The following WDR35 variants were observed in gnomAD, a reference collection of about 807,000 sequenced individuals.
WDR35 encodes the protein WD repeat domain 35.
WDR35 carries 118 observed loss-of-function variants against 158.3 expected under a neutral mutation model. That is an observed-to-expected ratio of 0.75 (90% CI 0.64 to 0.87). The LOEUF (loss-of-function observed/expected upper bound fraction) is 0.87. Ranked by LOEUF, WDR35 falls within the 40% of genes least tolerant of loss-of-function variation. The probability of loss-of-function intolerance (pLI) is 0.00; values close to 1 mark genes in which losing one functional copy is unlikely to be tolerated. For synonymous variants in WDR35, 448 were observed against 476.1 expected (o/e 0.94, Z 0.77); for missense variants, 1,263 against 1,405.8 (o/e 0.90, Z 1.62).
rs770452781 is a variant in WDR35 at position 19,930,481 on chromosome 2, T to C, written c.3036A>G (p.Ala1012=). Residue 1012 remains alanine (A), a synonymous_variant, in exon 25 of 27, where the codon GCA becomes GCG. Coordinates refer to ENST00000281405, the MANE Select transcript of WDR35 (RefSeq NM_020779.4). ...AGTGGTAAGCCTCTGCCCCTCTCCA[T>C]GCATTATCTGTGAAACGATCTGTTG... is the stretch of plus-strand genomic sequence containing the variant. ...LSTTDRFTDN[A]WRGAEAYHFF... 1.9e-6 allele frequency: 3 copies of C among 1,614,044 alleles called. No homozygotes were observed. Among genetic ancestry groups the C allele is most frequent in the African/African-American group, 1.3e-5 (1 of 74,922 alleles).
At chr2:19,983,891 C>G (rs529953468) in intron 2 of WDR35, among the ~76,000 whole-genome samples, 1 of 151,964 alleles carries the variant, frequency 6.6e-6, no homozygotes, top group Non-Finnish European at 1.5e-5. Flanking sequence ...TTCTTTCATT[C>G]ATTTAATCTT....
chr2:19,923,982 T>C (rs567553828), intron 25 of WDR35, among the ~76,000 whole-genome samples: 45 of 152,312 alleles, frequency 3.0e-4, no homozygotes, highest in Non-Finnish European at 5.4e-4. Context: ...TCTTACAATT[T>C]AAAACTTGGT....
intron 25 of WDR35, among the ~76,000 whole-genome samples, chr2:19,927,072 T>C (rs1387814093): frequency 6.6e-6 from 1 of 152,198 alleles, no homozygotes; most frequent in Non-Finnish European, 1.5e-5. Context: ...CAATGAGTAA[T>C]TTAATGGTAG....
intron 9 of WDR35, among the ~76,000 whole-genome samples, chr2:19,968,141 T>A (rs1671917458): frequency 6.6e-6 from 1 of 152,184 alleles, no homozygotes; most frequent in Admixed American, 6.5e-5. Flanking sequence ...TTCAGGTTTT[T>A]AGGAAGACTA....
intron 25 of WDR35, among the ~76,000 whole-genome samples, chr2:19,921,342 A>G (rs1670161742): frequency 6.6e-6 from 1 of 152,240 alleles, no homozygotes; most frequent in Admixed American, 6.5e-5. Flanking sequence ...ACAAGGCTAC[A>G]GCAACAAAAA....
chr2:19,983,792 G>C (rs1218718737), intron 2 of WDR35, among the ~76,000 whole-genome samples: 2 of 152,134 alleles, frequency 1.3e-5, no homozygotes, highest in Non-Finnish European at 2.9e-5. Flanking sequence ...CACATGTACA[G>C]TTTAACAATG....
Position 19,934,623 on chromosome 2 carries a change from C to T in WDR35, c.2547+848G>A, listed in dbSNP as rs756163193. The stretch of plus-strand genomic sequence containing the variant: ...GGATACCCTACAGCAAAATGTTTAT[C>T]GGCATCATCAGACACATCTAACAGA... On this transcript the variant is annotated intron_variant, in intron 21 of 26. Transcript: ENST00000281405. The surrounding 1 kb of genome is among the most constrained non-coding windows in gnomAD (Gnocchi z 4.6). 2.0e-5 allele frequency among the ~76,000 whole-genome samples: 3 copies of T among 152,028 alleles called. No homozygotes were observed. The highest frequency in any genetic ancestry group is 7.2e-5 in the African/African-American group (3 of 41,398).
chr2:19,980,604 T>C (rs1672352599), intron 4 of WDR35, 87 bp downstream of exon 4: 3 of 1,085,600 alleles, frequency 2.8e-6, no homozygotes, highest in South Asian at 2.5e-5. Flanking sequence ...AAGGGGTCTA[T>C]TTTGGAGATG....
intron 23 of WDR35, among the ~76,000 whole-genome samples, chr2:19,931,898 A>C (rs1178766891): frequency 6.6e-6 from 1 of 152,144 alleles, no homozygotes; most frequent in Admixed American, 6.5e-5. Flanking sequence ...ATACTGTACT[A>C]ATTATCTTCC....
rs756250422 is a variant in WDR35, at chr2:19,913,747, CT to C, written c.3363-40del. On this transcript the variant is annotated intron_variant, in intron 26 of 26. Coordinates refer to ENST00000281405, the MANE Select transcript of WDR35 (RefSeq NM_020779.4). ...AGAAACAATTCATTATACTTTAAAA[CT>C]TCTCATTAGTCTAACTTTATTTAAT... The C allele has an allele frequency of 3.1e-6, 5 of 1,613,500 alleles. No homozygotes were observed. The South Asian group carries it at 5.5e-5, about 18-fold the overall frequency.
intron 11 of WDR35, among the ~76,000 whole-genome samples, chr2:19,957,576 G>A (rs57505175): frequency 1.6e-3 from 244 of 148,960 alleles, no homozygotes; most frequent in African/African-American, 5.7e-3. Flanking sequence ...TTTTTGAGAC[G>A]GTGTCTTGCT....
chr2:19,919,119 G>A (rs374895853), intron 25 of WDR35, among the ~76,000 whole-genome samples: 2 of 152,080 alleles, frequency 1.3e-5, no homozygotes, highest in Non-Finnish European at 2.9e-5. Flanking sequence ...AGTGGCTCAC[G>A]CCTGTAATTC....
intron 17 of WDR35, among the ~76,000 whole-genome samples, chr2:19,940,852 C>A (rs1670850211): frequency 1.3e-5 from 2 of 152,208 alleles, no homozygotes; most frequent in South Asian, 4.1e-4. Flanking sequence ...GGAAGCCTGC[C>A]CTTCTCTCCC....
rs543094174 is a variant in WDR35, at chr2:19,937,617, C to T, written c.2267+126G>A. ...CATGTAGAATATCTAGGTTGTAATC[C>T]AAACTTAAAATTAATTTCTAAAAGG... is the stretch of plus-strand genomic sequence containing the variant. On this transcript the variant is annotated intron_variant, in intron 19 of 26. Coordinates refer to ENST00000281405, the MANE Select transcript of WDR35 (RefSeq NM_020779.4). 2.3e-6 allele frequency: 3 copies of T among 1,298,442 alleles called. 1 individual carries two copies. In the South Asian group the frequency reaches 3.8e-5, roughly 16 times the overall value. 80.4% of individuals were successfully genotyped at this position (1,298,442 alleles called of 1,614,324 possible).
chr2:19,916,086 G>GTGGAT, intron 25 of WDR35, among the ~76,000 whole-genome samples: 2 of 152,296 alleles, frequency 1.3e-5, no homozygotes, highest in Admixed American at 1.3e-4. Flanking sequence ...AGTGGGTGCA[G>GTGGAT]CCCAAGGAGG....
intron 12 of WDR35, 43 bp from the exon 13 acceptor site, chr2:19,951,527 T>C: frequency 1.4e-6 from 2 of 1,439,938 alleles, no homozygotes; most frequent in Non-Finnish European, 1.9e-6. Context: ...TAAGTATAGT[T>C]TATACTATTT....
intron 16 of WDR35, among the ~76,000 whole-genome samples, 179 bp from the exon 17 acceptor site, chr2:19,942,018 C>T (rs1670894076): frequency 6.6e-6 from 1 of 152,140 alleles, no homozygotes; most frequent in African/African-American, 2.4e-5. Context: ...CCTTTAACTT[C>T]TTGGCTGAAG....
At chr2:19,966,685 T>C (rs1671863268) in intron 10 of WDR35, 39 bp downstream of exon 10, 4 of 1,608,552 alleles carry the variant, frequency 2.5e-6, no homozygotes, top group Non-Finnish European at 3.4e-6. Flanking sequence ...ACCCAAGCAG[T>C]TAGCCCAGCT....
At chr2:19,962,299 G>A in intron 10 of WDR35, 5 of 1,612,950 alleles carry the variant, frequency 3.1e-6, no homozygotes, top group Admixed American at 1.7e-5. Flanking sequence ...TGTTACCGTT[G>A]CACCAAATGT....
Sources: allele counts gnomAD v4.1 joint callset (sites outside exome capture counted in the v4.1 genomes callset), GRCh38; gene constraint gnomAD v4.1.1; non-coding constraint Gnocchi (gnomAD v3.1); transcripts MANE v1.5; gene names NCBI Gene and HGNC (gene_info 2026-07-23, HGNC 2026-07-21).